The following TRPV1 variants were observed in gnomAD, a reference collection of about 807,000 sequenced individuals.
TRPV1 encodes OTRPC1.
In TRPV1, 82 loss-of-function variants were observed where a neutral mutation model predicts 82.3. The observed-to-expected ratio is 1.00, with a 90% CI of 0.83 to 1.20. The LOEUF (loss-of-function observed/expected upper bound fraction) is 1.20. Among genes scored for constraint, TRPV1 ranks in the 50% most tolerant of loss-of-function variants. The pLI, the probability that TRPV1 is intolerant of heterozygous loss-of-function variation, is 0.00. For synonymous variants in TRPV1, 515 were observed against 467.7 expected, an observed-to-expected ratio of 1.10 and a Z score of -1.30; for missense variants, 1,067 against 1,096.8, an observed-to-expected ratio of 0.97 and a Z score of 0.38.
intron 16 of TRPV1, among the ~76,000 whole-genome samples, chr17:3,568,195 G>T (rs538596401): frequency 2.0e-5 from 3 of 151,520 alleles, no homozygotes; most frequent in Admixed American, 6.6e-5. Context: ...AGTGGCGGGC[G>T]CCTGTAGTCC....
chr17:3,607,767 T>A (rs563933582), intron 2 of TRPV1, among the ~76,000 whole-genome samples: 1 of 152,088 alleles, frequency 6.6e-6, no homozygotes, highest in East Asian at 2.0e-4. Context: ...AAACTCCTGA[T>A]GTCAGGTGAT....
At chr17:3,587,767 G>T (rs2075102171) in intron 8 of TRPV1, among the ~76,000 whole-genome samples, 3 of 151,584 alleles carry the variant, frequency 2.0e-5, no homozygotes, top group Middle Eastern at 3.4e-3. Flanking sequence ...GAGCCGGGAT[G>T]GCACCATTTC....
At position 3,577,259 on chromosome 17, in the gene TRPV1, C is replaced by A. The variant is rs369312772; in HGVS notation, c.1714-67G>T. 8.5e-5 allele frequency: 129 copies of A among 1,510,666 alleles called. No individual in the cohort carries two copies. In the African/African-American group the frequency reaches 1.7e-3, roughly 19 times the overall value. 93.6% of individuals were successfully genotyped at this position (1,510,666 alleles called of 1,614,324 possible). ...AGGAGGAGCTGAGGGAAGGGCCGGG[C>A]CGCATCGGCCTGGGGATGCGTCTTG... On this transcript the variant is annotated intron_variant, in intron 12 of 16. Coordinates refer to ENST00000572705, the MANE Select transcript of TRPV1 (RefSeq NM_080704.4).
Position 3,566,928 on chromosome 17 carries a change from G to A in TRPV1, c.2407C>T (p.Arg803Ter), listed in dbSNP as rs202102886. 4.3e-6 allele frequency: 7 copies of A among 1,613,920 alleles called. No homozygotes were observed. Among genetic ancestry groups the A allele is most frequent in the South Asian group, 2.2e-5 (2 of 91,074 alleles). The change falls in exon 17 of 17, where the codon CGA (arginine) becomes TGA (stop). Residue 803 changes from arginine (R) to a stop codon, truncating the protein, a stop_gained. Transcript: ENST00000572705. LOFTEE classifies it high-confidence loss of function. ...LVPLLREASA[R>*]DRQSAQPEEV... is the part of the protein sequence containing the mutation. ...TCGGGCTGAGCAGACTGCCTATCTC[G>A]AGCACTTGCCTCTCTTAAAAGGGGG...
intron 2 of TRPV1, among the ~76,000 whole-genome samples, chr17:3,599,282 A>G (rs1043039181): frequency 7.1e-6 from 1 of 139,946 alleles, no homozygotes; most frequent in Non-Finnish European, 1.5e-5. Flanking sequence ...GGCAAAATAT[A>G]TATAACAAAA....
Position 3,566,578 on chromosome 17 carries a change from T to G in TRPV1, c.*237A>C. The G allele has an allele frequency of 2.1e-6, 1 of 466,358 alleles. No individual in the cohort carries two copies. The highest frequency in any genetic ancestry group is 4.4e-5 in the South Asian group (1 of 22,608). The allele number at this position is 466,358 out of a possible 1,614,324, so 28.9% of individuals were successfully genotyped here. ...CATCCAAACTGTTTAGTAAAGTGAG[T>G]AAAAACCTGAAAGTCTGTTAGGAGA... is the stretch of plus-strand genomic sequence containing the variant. On this transcript the variant is annotated 3_prime_UTR_variant, in exon 17 of 17. Coordinates refer to ENST00000572705, the MANE Select transcript of TRPV1 (RefSeq NM_080704.4).
At chr17:3,596,977 A>G (rs1242761358) in intron 2 of TRPV1, 1 of 152,260 alleles carries the variant, frequency 6.6e-6, no homozygotes, top group Non-Finnish European at 1.5e-5. Flanking sequence ...GGCGGTTGCT[A>G]CTCGAAGGGA....
chr17:3,593,397 G>A (rs997724923), intron 2 of TRPV1, among the ~76,000 whole-genome samples: 4 of 152,118 alleles, frequency 2.6e-5, no homozygotes, highest in Admixed American at 6.5e-5. Context: ...AGCAGCATGT[G>A]TAGTTGGACA....
chr17:3,580,531 C>T lies in TRPV1; in HGVS notation c.1477-4G>A. The T allele has an allele frequency of 6.2e-7, 1 of 1,614,016 alleles. No individual in the cohort carries two copies. Among genetic ancestry groups the T allele is most frequent in the Non-Finnish European group, 8.5e-7 (1 of 1,179,882 alleles). ...GCCTCTGCAGGAAATACTGAATCTG[C>T]AGGTAAACAGAGAGAGTAAGATCCC... On this transcript the variant is annotated splice_region_variant and splice_polypyrimidine_tract_variant and intron_variant, in intron 10 of 16. Transcript: ENST00000572705.
At chr17:3,580,407 AT>A (rs759820108) in intron 11 of TRPV1, 49 bp downstream of exon 11, 8 of 1,596,634 alleles carry the variant, frequency 5.0e-6, no homozygotes, top group Non-Finnish European at 6.0e-6. Context: ...GTGAGAACTG[AT>A]TGCGGTCACC....
chr17:3,575,099 G>C (rs946472781), intron 13 of TRPV1, among the ~76,000 whole-genome samples: 17 of 152,226 alleles, frequency 1.1e-4, no homozygotes, highest in Admixed American at 5.9e-4. Context: ...AGGCCATTCT[G>C]ATACAAACAA....
At chr17:3,600,785 G>A (rs148943452) in intron 2 of TRPV1, among the ~76,000 whole-genome samples, 307 of 152,196 alleles carry the variant, frequency 2.0e-3, no homozygotes, top group African/African-American at 7.1e-3. Flanking sequence ...CACTCCTGCC[G>A]GGACTCCCTG....
chr17:3,588,897 C>G lies in TRPV1; in HGVS notation c.1045-530G>C, dbSNP rs1015717093. The G allele has an allele frequency of 5.9e-6, 9 of 1,535,288 alleles. No homozygotes were observed. In the Admixed American group the frequency reaches 5.9e-5, roughly 10 times the overall value. The stretch of plus-strand genomic sequence containing the variant: ...ACCTGCACCATATCAGGCCCACAAT[C>G]CCCTCACGGCGAGGCCCCAGCTCTA... On this transcript the variant is annotated intron_variant, in intron 7 of 16. Transcript: ENST00000572705.
chr17:3,576,460 G>A (rs913379955), intron 13 of TRPV1, among the ~76,000 whole-genome samples: 9 of 151,632 alleles, frequency 5.9e-5, no homozygotes, highest in African/African-American at 2.2e-4. Flanking sequence ...AGACCATCCT[G>A]GCTAACATGG....
chr17:3,587,458 C>A (rs187600908), intron 8 of TRPV1, among the ~76,000 whole-genome samples: 1 of 152,156 alleles, frequency 6.6e-6, no homozygotes, highest in African/African-American at 2.4e-5. Flanking sequence ...TTACTCACTA[C>A]GTAACACTAA....
chr17:3,603,434 G>T (rs2075277895), intron 2 of TRPV1, among the ~76,000 whole-genome samples: 1 of 152,210 alleles, frequency 6.6e-6, no homozygotes, highest in Admixed American at 6.5e-5. Flanking sequence ...GACCTTGGAT[G>T]GAAGAGGCCC....
chr17:3,605,385 C>G (rs2150861133), intron 2 of TRPV1, among the ~76,000 whole-genome samples: 1 of 152,186 alleles, frequency 6.6e-6, no homozygotes, highest in East Asian at 1.9e-4. Flanking sequence ...TGGTGTACAC[C>G]TGTAATCCCA....
chr17:3,572,958 G>A (rs1220231995), intron 14 of TRPV1, among the ~76,000 whole-genome samples: 5 of 139,082 alleles, frequency 3.6e-5, no homozygotes, highest in African/African-American at 1.4e-4. Context: ...ACTCCAGCCT[G>A]GGTGACAGAG....
chr17:3,590,876 G>C (rs1289171683), intron 5 of TRPV1, 88 bp downstream of exon 5: 2 of 1,463,310 alleles, frequency 1.4e-6, no homozygotes, highest in Admixed American at 2.5e-5. Flanking sequence ...AAGGATCCCA[G>C]AGAAGCAAGG....
Sources: allele counts gnomAD v4.1 joint callset (sites outside exome capture counted in the v4.1 genomes callset), GRCh38; gene constraint gnomAD v4.1.1; transcripts MANE v1.5; gene names NCBI Gene and HGNC (gene_info 2026-07-23, HGNC 2026-07-21).